LRRC4C: variants seen among roughly 807,000 people sequenced by gnomAD.
The protein encoded by LRRC4C is leucine-rich repeat-containing protein 4C.
In LRRC4C, 5 loss-of-function variants were observed where a neutral mutation model predicts 33.6. The ratio of observed to expected loss-of-function variants is 0.15; its 90% CI spans 0.08 to 0.31. LRRC4C has a LOEUF of 0.31. Ranked by LOEUF, LRRC4C falls within the 10% of genes least tolerant of loss-of-function variation. The probability of loss-of-function intolerance (pLI) is 1.00; values close to 1 mark genes in which losing one functional copy is unlikely to be tolerated. For synonymous variants in LRRC4C, 329 were observed against 302.0 expected (o/e 1.09, Z -0.93); for missense variants, 560 against 796.7 (o/e 0.70, Z 3.58).
chr11:40,609,293 A>T (rs1299968373), intron 3 of LRRC4C, among the ~76,000 whole-genome samples: 1 of 152,116 alleles, frequency 6.6e-6, no homozygotes, highest in East Asian at 1.9e-4. Flanking sequence ...AATAATGGAA[A>T]TTAAGCAATG....
chr11:41,266,380 G>A (rs1949152661), intron 1 of LRRC4C, among the ~76,000 whole-genome samples: 1 of 152,036 alleles, frequency 6.6e-6, no homozygotes, highest in Non-Finnish European at 1.5e-5. Context: ...CTTTCTTTCA[G>A]TTTGATAGAG....
At chr11:40,333,631 C>T (rs574404966) in intron 3 of LRRC4C, among the ~76,000 whole-genome samples, 18 of 146,646 alleles carry the variant, frequency 1.2e-4, no homozygotes, top group East Asian at 4.1e-4. Flanking sequence ...GCAGAAGAAT[C>T]GCTTGAACCC....
At chr11:40,306,962 G>C (rs934880492) in intron 4 of LRRC4C, among the ~76,000 whole-genome samples, 4 of 149,974 alleles carry the variant, frequency 2.7e-5, no homozygotes, top group Non-Finnish European at 4.4e-5. Flanking sequence ...TTCTCTCTGT[G>C]GCACAATTGG....
chr11:40,996,886 A>G (rs1434149147), intron 1 of LRRC4C, among the ~76,000 whole-genome samples: 2 of 152,090 alleles, frequency 1.3e-5, no homozygotes, highest in East Asian at 3.9e-4. Flanking sequence ...TTCATGAGGG[A>G]TCCGTCCCCA....
In LRRC4C at chr11:40,950,108, G is replaced by A. The variant is rs187480681; in HGVS notation, c.-495-16385C>T. 2.4e-3 allele frequency among the ~76,000 whole-genome samples: 363 copies of A among 152,110 alleles called. 3 individuals carry two copies. In the South Asian group the frequency reaches 0.032, roughly 13 times the overall value. ...GGTAGAGAAATAAAAACATCTCTGG[G>A]TGGAACTATAGTGAGGTGTCCAAGG... is the stretch of plus-strand genomic sequence containing the variant. On this transcript the variant is annotated intron_variant, in intron 1 of 6. Coordinates refer to ENST00000528697, the MANE Select transcript of LRRC4C (RefSeq NM_001258419.2).
chr11:40,457,744 T>C (rs1220448385), intron 3 of LRRC4C, among the ~76,000 whole-genome samples: 1 of 152,212 alleles, frequency 6.6e-6, no homozygotes, highest in East Asian at 1.9e-4. Context: ...CACTAAATAC[T>C]GTTATAAGAG....
intron 1 of LRRC4C, among the ~76,000 whole-genome samples, chr11:41,251,641 C>T (rs182932810): frequency 2.6e-3 from 403 of 152,184 alleles, no homozygotes; most frequent in Non-Finnish European, 4.8e-3. Context: ...TGAAACAGCC[C>T]GGACTAATTT....
intron 1 of LRRC4C, among the ~76,000 whole-genome samples, chr11:41,177,033 G>C (rs1945234332): frequency 6.6e-6 from 1 of 151,164 alleles, no homozygotes. Flanking sequence ...AAAAACAGAA[G>C]AATAGTCAGG....
intron 1 of LRRC4C, among the ~76,000 whole-genome samples, chr11:41,062,302 G>A (rs971637639): frequency 6.6e-6 from 1 of 152,078 alleles, no homozygotes; most frequent in Non-Finnish European, 1.5e-5. Context: ...ATGCAACCAT[G>A]CATTCTCACA....
At chr11:40,636,817 C>T (rs544074825) in intron 3 of LRRC4C, among the ~76,000 whole-genome samples, 2 of 152,296 alleles carry the variant, frequency 1.3e-5, no homozygotes, top group African/African-American at 4.8e-5. Context: ...TCAGTCCCAT[C>T]TCACATTGCT....
chr11:40,199,630 G>C (rs1862542797), intron 5 of LRRC4C, among the ~76,000 whole-genome samples: 1 of 152,134 alleles, frequency 6.6e-6, no homozygotes, highest in Non-Finnish European at 1.5e-5. Context: ...TAGAATAGAA[G>C]CAACTGGTTA....
intron 3 of LRRC4C, among the ~76,000 whole-genome samples, chr11:40,381,232 A>G (rs1948853163): frequency 5.1e-5 from 7 of 138,272 alleles, no homozygotes; most frequent in Admixed American, 4.1e-4. Flanking sequence ...TTAAAATGAA[A>G]AAAAAAAAAA....
intron 2 of LRRC4C, among the ~76,000 whole-genome samples, chr11:40,715,816 G>A (rs769841255): frequency 2.8e-4 from 42 of 152,178 alleles, no homozygotes; most frequent in Admixed American, 1.3e-3. Flanking sequence ...CGTGAGGTCA[G>A]GAGTTCAAGA....
At chr11:40,184,299 A>T (rs999745172) in intron 5 of LRRC4C, among the ~76,000 whole-genome samples, 2 of 152,204 alleles carry the variant, frequency 1.3e-5, no homozygotes, top group African/African-American at 4.8e-5. Flanking sequence ...GGGGATCTTT[A>T]GGAAGAATAA....
intron 2 of LRRC4C, among the ~76,000 whole-genome samples, chr11:40,763,995 T>A (rs1057281658): frequency 6.6e-6 from 1 of 152,080 alleles, no homozygotes; most frequent in South Asian, 2.1e-4. Flanking sequence ...AAAGGGAATG[T>A]TTGTGTCACC....
At chr11:40,640,241 GAAAAT>G (rs1288603013) in intron 3 of LRRC4C, among the ~76,000 whole-genome samples, 1 of 152,006 alleles carries the variant, frequency 6.6e-6, no homozygotes, top group Non-Finnish European at 1.5e-5. Flanking sequence ...GCTTAGCTTT[GAAAAT>G]AAAATAAATA....
chr11:41,174,522 G>A (rs1187097694), intron 1 of LRRC4C, among the ~76,000 whole-genome samples: 1 of 151,882 alleles, frequency 6.6e-6, no homozygotes, highest in Non-Finnish European at 1.5e-5. Context: ...CCAATTCAGT[G>A]TTTGTTGTCT....
intron 1 of LRRC4C, among the ~76,000 whole-genome samples, chr11:41,021,192 A>T (rs1248872567): frequency 0.013 from 1,079 of 80,708 alleles, 30 homozygotes; most frequent in African/African-American, 0.058. Context: ...AGAGAGAGAG[A>T]GAGAGAGAGA....
intron 3 of LRRC4C, among the ~76,000 whole-genome samples, chr11:40,419,900 A>T (rs1186964394): frequency 6.6e-6 from 1 of 152,210 alleles, no homozygotes; most frequent in Non-Finnish European, 1.5e-5. Context: ...AGAATGAAGC[A>T]CCAGGTCCAG....
Sources: allele counts gnomAD v4.1 joint callset (sites outside exome capture counted in the v4.1 genomes callset), GRCh38; gene constraint gnomAD v4.1.1; transcripts MANE v1.5; gene names NCBI Gene and HGNC (gene_info 2026-07-23, HGNC 2026-07-21).